Variants in CTNNA2 observed in about 807,000 individuals in gnomAD.
The protein encoded by CTNNA2 is catenin alpha 2, also known as catenin alpha-2.
CTNNA2 carries 42 observed loss-of-function variants against 101.0 expected under a neutral mutation model. The ratio of observed to expected loss-of-function variants is 0.42; its 90% confidence interval spans 0.32 to 0.54. The LOEUF (loss-of-function observed/expected upper bound fraction) is 0.54, where lower values mean the gene tolerates loss of function less well. CTNNA2 is among the 20% of genes least tolerant of loss of function. The pLI is 0.14. For missense variants in CTNNA2, 871 were observed against 1,223.1 expected (o/e 0.71, Z 4.29); for synonymous variants, 450 against 456.4 (o/e 0.99, Z 0.18).
At chr2:80,040,881 T>G (rs1696003595) in intron 7 of CTNNA2, among the ~76,000 whole-genome samples, 1 of 152,178 alleles carries the variant, frequency 6.6e-6, no homozygotes, top group Non-Finnish European at 1.5e-5. Context: ...GAGTAAAAGA[T>G]ATATGTGTCA....
At chr2:80,417,010 G>GT (rs1416037759) in intron 8 of CTNNA2, among the ~76,000 whole-genome samples, 2 of 151,912 alleles carry the variant, frequency 1.3e-5, no homozygotes, top group South Asian at 2.1e-4. Flanking sequence ...CTGAAATGCA[G>GT]TTTTTTCCCC....
chr2:80,295,747 G>A (rs1675685774), intron 7 of CTNNA2, among the ~76,000 whole-genome samples: 1 of 152,188 alleles, frequency 6.6e-6, no homozygotes, highest in Admixed American at 6.5e-5. Flanking sequence ...GTCTAAAGAT[G>A]ATAACTCCTG....
At position 80,046,421 on chromosome 2, in the gene CTNNA2, C is replaced by G. The variant is rs115354572; in HGVS notation, c.1056+136624C>G. Among the ~76,000 whole-genome samples, 816 of 152,204 alleles carry G rather than the reference C, an allele frequency of 5.4e-3. 3 individuals carry two copies. The highest frequency in any genetic ancestry group is 9.0e-3 in the Non-Finnish European group (613 of 68,014). ...GCTCTCAGTAGATGAGACCTACTAT[C>G]TAGTATAATTGAAAAGAGGACAAAG... On this transcript the variant is annotated intron_variant, in intron 7 of 18. Coordinates refer to ENST00000402739, the MANE Select transcript of CTNNA2 (RefSeq NM_001282597.3).
chr2:79,608,780 C>T (rs1387430693), intron 1 of CTNNA2, among the ~76,000 whole-genome samples: 1 of 152,022 alleles, frequency 6.6e-6, no homozygotes, highest in Non-Finnish European at 1.5e-5. Context: ...CTACATAAAT[C>T]CTTCAGCAAA....
chr2:79,746,328 G>A (rs375528574), intron 3 of CTNNA2, among the ~76,000 whole-genome samples: 143 of 152,174 alleles, frequency 9.4e-4, no homozygotes, highest in African/African-American at 3.4e-3. Flanking sequence ...GACAGTGATT[G>A]GCAAATATTT....
At chr2:79,929,276 C>G (rs1687228969) in intron 7 of CTNNA2, among the ~76,000 whole-genome samples, 3 of 151,748 alleles carry the variant, frequency 2.0e-5, no homozygotes, top group Admixed American at 6.6e-5. Flanking sequence ...CTCAAAATTG[C>G]AAGATTCAAG....
rs747497434 is a variant in CTNNA2, at chr2:80,571,509, T to C, written c.1742-2654T>C. Among the ~76,000 whole-genome samples, 73 of 152,324 alleles carry C rather than the reference T, an allele frequency of 4.8e-4. No homozygotes were observed. The Middle Eastern group carries it at 0.014, about 28-fold the overall frequency. On this transcript the variant is annotated intron_variant, in intron 12 of 18. Coordinates refer to ENST00000402739, the MANE Select transcript of CTNNA2 (RefSeq NM_001282597.3). ...AATGTCTCTCCTTCCATCTCAAAGGTAACTACTATATTTAAAGTGGTATAT... is the reference window on the plus strand; with the variant it reads ...AATGTCTCTCCTTCCATCTCAAAGGCAACTACTATATTTAAAGTGGTATAT...
At chr2:80,575,401 C>T (rs146396544) in intron 13 of CTNNA2, 1 of 152,006 alleles carries the variant, frequency 6.6e-6, no homozygotes, top group African/African-American at 2.4e-5. Context: ...GAGCCTAAAT[C>T]TTTCTCTCTC....
At chr2:79,438,030 T>A (rs1394784995) in intron 4 of CTNNA2, among the ~76,000 whole-genome samples, 1 of 146,964 alleles carries the variant, frequency 6.8e-6, no homozygotes, top group Non-Finnish European at 1.5e-5. Flanking sequence ...GCCCGTTTTT[T>A]AAAAAAGAGG....
intron 1 of CTNNA2, among the ~76,000 whole-genome samples, chr2:79,193,229 T>A (rs1673897858): frequency 6.6e-6 from 1 of 152,184 alleles, no homozygotes; most frequent in Admixed American, 6.5e-5. Context: ...TTTCAGTGTT[T>A]TTTCCAGTTT....
At chr2:79,745,432 T>A (rs7593433) in intron 3 of CTNNA2, among the ~76,000 whole-genome samples, 5,373 of 146,264 alleles carry the variant, frequency 0.037, 330 homozygotes, top group African/African-American at 0.12. Flanking sequence ...CTCCATCTCT[T>A]AAAAAAAAAA....
chr2:80,421,329 G>A (rs1000295896), intron 9 of CTNNA2, among the ~76,000 whole-genome samples: 5 of 152,318 alleles, frequency 3.3e-5, no homozygotes, highest in South Asian at 2.1e-4. Context: ...TCTGGATGAA[G>A]AATGGGACAT....
chr2:79,770,624 A>G (rs925312966), intron 3 of CTNNA2, among the ~76,000 whole-genome samples: 2 of 152,234 alleles, frequency 1.3e-5, no homozygotes, highest in Non-Finnish European at 2.9e-5. Flanking sequence ...TTTGCAAAAT[A>G]TGGGCAAACT....
intron 12 of CTNNA2, among the ~76,000 whole-genome samples, chr2:80,559,891 T>TATATATATATATATACACACACACACAC (rs1553387588): frequency 2.0e-5 from 3 of 146,816 alleles, no homozygotes; most frequent in African/African-American, 7.9e-5. Flanking sequence ...TATATATATA[T>TATATATATATATATACACACACACACAC]ACACACACAT....
intron 2 of CTNNA2, among the ~76,000 whole-genome samples, chr2:79,276,491 C>T (rs981844827): frequency 6.6e-6 from 1 of 151,948 alleles, no homozygotes; most frequent in African/African-American, 2.4e-5. Flanking sequence ...AATCATTTTG[C>T]CTGATGTAAT....
chr2:79,302,711 AAT>A (rs1300990985), intron 2 of CTNNA2, among the ~76,000 whole-genome samples: 2 of 152,188 alleles, frequency 1.3e-5, no homozygotes, highest in African/African-American at 2.4e-5. Context: ...GAAGGGAACT[AAT>A]ATGAATTGAG....
chr2:80,123,698 T>G (rs1163961429), intron 7 of CTNNA2, among the ~76,000 whole-genome samples: 1 of 152,172 alleles, frequency 6.6e-6, no homozygotes, highest in Admixed American at 6.5e-5. Context: ...ATAATAGGTC[T>G]TAAAAAGGGC....
At chr2:80,600,243 G>C (rs1402214076) in intron 15 of CTNNA2, among the ~76,000 whole-genome samples, 5 of 151,588 alleles carry the variant, frequency 3.3e-5, no homozygotes, top group Admixed American at 3.3e-4. Context: ...AATATAAAAA[G>C]GAAACTTTAA....
intron 3 of CTNNA2, among the ~76,000 whole-genome samples, chr2:79,766,913 GC>G (rs1186804854): frequency 2.0e-5 from 3 of 151,868 alleles, no homozygotes; most frequent in Non-Finnish European, 1.5e-5. Flanking sequence ...GCGCCACCAT[GC>G]CCAGCTATTC....
Sources: allele counts gnomAD v4.1 joint callset (sites outside exome capture counted in the v4.1 genomes callset), GRCh38; gene constraint gnomAD v4.1.1; transcripts MANE v1.5; gene names NCBI Gene and HGNC (gene_info 2026-07-23, HGNC 2026-07-21).